Variants in WDR36 observed in about 807,000 individuals in gnomAD.
WDR36 encodes the protein WD repeat-containing protein 36.
In WDR36, 63 loss-of-function variants were observed where a neutral mutation model predicts 112.7. The observed-to-expected ratio is 0.56, with a 90% CI of 0.46 to 0.69. WDR36 has a LOEUF of 0.69. Ranked by LOEUF, WDR36 falls within the 30% of genes least tolerant of loss-of-function variation. The pLI is 0.00. For missense variants in WDR36, 1,226 were observed against 1,070.3 expected, an observed-to-expected ratio of 1.15 and a Z score of -2.03; for synonymous variants, 410 against 362.2, an observed-to-expected ratio of 1.13 and a Z score of -1.50.
intron 16 of WDR36, 130 bp downstream of exon 16, chr5:111,113,283 A>T: frequency 2.1e-6 from 1 of 470,386 alleles, no homozygotes; most frequent in East Asian, 4.7e-5. Context: ...TTTTTCTGAC[A>T]TGACTATATT....
intron 1 of WDR36, among the ~76,000 whole-genome samples, chr5:111,094,339 G>A (rs1338985178): frequency 6.6e-6 from 1 of 152,146 alleles, no homozygotes; most frequent in African/African-American, 2.4e-5. Context: ...TGAGGCACAG[G>A]GAGCTTATTT....
At chr5:111,102,459 C>G (rs1753140705) in intron 6 of WDR36, 60 bp downstream of exon 6, 2 of 1,500,138 alleles carry the variant, frequency 1.3e-6, no homozygotes, top group Admixed American at 3.4e-5. Context: ...CCTTCAGTTT[C>G]AGGAATCAAT....
At chr5:111,126,370 G>A (rs1004311856) in intron 22 of WDR36, among the ~76,000 whole-genome samples, 1 of 151,936 alleles carries the variant, frequency 6.6e-6, no homozygotes, top group Non-Finnish European at 1.5e-5. Context: ...CTACTTTAGT[G>A]GTATAATGTG....
chr5:111,123,147 T>C (rs1297929075), intron 19 of WDR36, among the ~76,000 whole-genome samples: 2 of 152,134 alleles, frequency 1.3e-5, no homozygotes, highest in Admixed American at 6.6e-5. Context: ...TATGTAGCAG[T>C]GTACTTACCA....
intron 14 of WDR36, 95 bp from the exon 15 acceptor site, chr5:111,111,075 C>T (rs1341136136): frequency 3.2e-6 from 5 of 1,552,922 alleles, no homozygotes; most frequent in Non-Finnish European, 4.4e-6. Flanking sequence ...CTTAATTTCC[C>T]CCAAAGTGTA....
rs574566546 is a variant in WDR36 at position 111,106,289 on chromosome 5, G to A, written c.1180+146G>A. 1.6e-5 allele frequency: 12 copies of A among 740,850 alleles called. No individual in the cohort carries two copies. In the Admixed American group the frequency reaches 2.1e-4, roughly 13 times the overall value. The allele number at this position is 740,850 out of a possible 1,614,324, so 45.9% of individuals were successfully genotyped here. On this transcript the variant is annotated intron_variant, in intron 11 of 22. Coordinates refer to ENST00000513710, the MANE Select transcript of WDR36 (RefSeq NM_139281.3). ...AACCCCAGGTGCATGCTGGTCTTGT[G>A]TGAAGACTAAAAATGAGTTATTTTA... is the stretch of plus-strand genomic sequence containing the variant.
chr5:111,095,333 G>C (rs1752952585), intron 2 of WDR36: 1 of 192,738 alleles, frequency 5.2e-6, no homozygotes, highest in Non-Finnish European at 1.1e-5. Flanking sequence ...GCTGTTAGTT[G>C]GTTCTGTTCC....
In WDR36 at chr5:111,129,718, A is replaced by G; in HGVS notation, c.*2835A>G. The G allele has an allele frequency of 5.0e-6, 1 of 199,530 alleles. No individual in the cohort carries two copies. The highest frequency in any genetic ancestry group is 1.0e-5 in the Non-Finnish European group (1 of 96,696). The allele number at this position is 199,530 out of a possible 1,614,324, so 12.4% of individuals were successfully genotyped here. ...ATATTTGTATACAATCAAATTGATT[A>G]ATTTTCATGACTTATTTCAGGATAT... On this transcript the variant is annotated 3_prime_UTR_variant, in exon 23 of 23. Coordinates refer to ENST00000513710, the MANE Select transcript of WDR36 (RefSeq NM_139281.3).
intron 16 of WDR36, among the ~76,000 whole-genome samples, chr5:111,115,145 C>G (rs1237248160): frequency 6.6e-6 from 1 of 152,078 alleles, no homozygotes; most frequent in East Asian, 1.9e-4. Flanking sequence ...AGCACAAGAG[C>G]AAGAAGTGAC....
chr5:111,095,835 T>C (rs1401568422), intron 2 of WDR36, among the ~76,000 whole-genome samples: 1 of 152,192 alleles, frequency 6.6e-6, no homozygotes, highest in Non-Finnish European at 1.5e-5. Context: ...ATTTTGGTAT[T>C]TCTTTCCAAT....
At chr5:111,124,369 C>G (rs967400872) in intron 21 of WDR36, among the ~76,000 whole-genome samples, 180 bp downstream of exon 21, 1 of 152,004 alleles carries the variant, frequency 6.6e-6, no homozygotes, top group Non-Finnish European at 1.5e-5. Flanking sequence ...CCACTAAACT[C>G]AAATGGTATT....
chr5:111,094,123 A>G (rs887952634), intron 1 of WDR36, among the ~76,000 whole-genome samples: 12 of 152,234 alleles, frequency 7.9e-5, no homozygotes, highest in Non-Finnish European at 2.9e-5. Flanking sequence ...GTCCCCAGTC[A>G]GACTTCCTAC....
chr5:111,095,128 A>G, intron 2 of WDR36, 181 bp downstream of exon 2: 2 of 604,912 alleles, frequency 3.3e-6, no homozygotes, highest in Non-Finnish European at 5.8e-6. Flanking sequence ...GTTGTTATGT[A>G]TCTTTATTTT....
At chr5:111,104,879 A>G in intron 9 of WDR36, 62 bp downstream of exon 9, 1 of 1,604,684 alleles carries the variant, frequency 6.2e-7, no homozygotes, top group Non-Finnish European at 8.5e-7. Flanking sequence ...GGTGCCCAGT[A>G]TGAGGTTTGA....
In WDR36 at chr5:111,107,349, A is replaced by G. The variant is rs1020682603; in HGVS notation, c.1236A>G (p.Leu412=). The change falls in exon 12 of 23, where the codon CTA becomes CTG. Residue 412 remains leucine (L), a synonymous_variant. Coordinates refer to ENST00000513710, the MANE Select transcript of WDR36 (RefSeq NM_139281.3). ...DGIIACHQGK[L]SCSTWNYQKS... Reference sequence around the variant, plus strand: ...TCATTGCTTGCCATCAAGGTAAGCTATCTTGCTCAACCTGGAATTATCAGA... The same window carrying G: ...TCATTGCTTGCCATCAAGGTAAGCTGTCTTGCTCAACCTGGAATTATCAGA... The G allele has an allele frequency of 9.3e-6, 15 of 1,610,582 alleles. No homozygotes were observed. The highest frequency in any genetic ancestry group is 1.3e-5 in the Non-Finnish European group (15 of 1,177,804).
Position 111,120,722 on chromosome 5 carries a change from A to G in WDR36, c.2002+129A>G, listed in dbSNP as rs1753546949. On this transcript the variant is annotated intron_variant, in intron 18 of 22. Transcript: ENST00000513710. Reference sequence around the variant, plus strand: ...TTTTTAACTGATATAAAAGACTTTGAATGACTTCATGAATTTATGCAAAAA... The same window carrying G: ...TTTTTAACTGATATAAAAGACTTTGGATGACTTCATGAATTTATGCAAAAA... 3 of 833,956 alleles carry G rather than the reference A, an allele frequency of 3.6e-6. No homozygotes were observed. In the Admixed American group the frequency reaches 5.9e-5, roughly 16 times the overall value. 51.7% of individuals were successfully genotyped at this position (833,956 alleles called of 1,614,324 possible).
chr5:111,097,407 T>C (rs1278662733), intron 3 of WDR36, among the ~76,000 whole-genome samples: 1 of 152,216 alleles, frequency 6.6e-6, no homozygotes, highest in East Asian at 1.9e-4. Flanking sequence ...TCAAAATTAC[T>C]TGGAGACCTT....
chr5:111,110,133 T>G, intron 12 of WDR36, 56 bp from the exon 13 acceptor site: 1 of 1,234,516 alleles, frequency 8.1e-7, no homozygotes, highest in Non-Finnish European at 1.2e-6. Context: ...TTGGAAAGCA[T>G]AAAGTGCAAT....
In WDR36 at chr5:111,100,059, G is replaced by GT. The variant is rs149243717; in HGVS notation, c.410-520dup. On this transcript the variant is annotated intron_variant, in intron 4 of 22. Transcript: ENST00000513710. ...CACCCCCCACTCCACAGGGTTATACGTTTTTTTTTTCTCCTTTATTAGAGA... is the reference window on the plus strand; with the variant it reads ...CACCCCCCACTCCACAGGGTTATACGTTTTTTTTTTTCTCCTTTATTAGAGA... 6.3e-3 allele frequency among the ~76,000 whole-genome samples: 942 copies of GT among 149,652 alleles called. 6 individuals are homozygous for GT. Among genetic ancestry groups the GT allele is most frequent in the African/African-American group, 0.019 (793 of 40,874 alleles).
Sources: allele counts gnomAD v4.1 joint callset (sites outside exome capture counted in the v4.1 genomes callset), GRCh38; gene constraint gnomAD v4.1.1; transcripts MANE v1.5; gene names NCBI Gene and HGNC (gene_info 2026-07-23, HGNC 2026-07-21).